Variants in KLF8 observed in about 807,000 individuals in gnomAD.
The protein encoded by KLF8 is KLF transcription factor 8, also known as Krueppel-like factor 8.
Under a neutral mutation model 18.2 loss-of-function variants are expected in KLF8, and 10 were observed. That is an observed-to-expected ratio of 0.55 (90% CI 0.34 to 0.93). The LOEUF is 0.93. Ranked by LOEUF, KLF8 falls within the 40% of genes least tolerant of loss-of-function variation. The probability of loss-of-function intolerance (pLI) is 0.02; values close to 1 mark genes in which losing one functional copy is unlikely to be tolerated. For synonymous variants in KLF8, 109 were observed against 97.3 expected (o/e 1.12, Z -0.71); for missense variants, 264 against 277.9 (o/e 0.95, Z 0.36).
the KLF8 span, among the ~76,000 whole-genome samples, chrX:56,064,465 T>C: frequency 1.8e-5 from 2 of 110,826 alleles, no homozygotes. Context: ...AAAAATTCAT[T>C]CTGCCAGTCA....
Position 56,289,520 on chromosome X carries a change from T to TA in KLF8, c.*5027dup, listed in dbSNP as rs1158483088. ...CCTATGTATATGCACATTCTATAAA[T>TA]ATTTCTATATGTAATCACCCAGATT... On this transcript the variant is annotated 3_prime_UTR_variant, in exon 6 of 6. Transcript: ENST00000468660. Among the ~76,000 whole-genome samples, 30 of 111,768 alleles carry TA rather than the reference T, an allele frequency of 2.7e-4. No individual in the cohort carries two copies. Among genetic ancestry groups the TA allele is most frequent in the Admixed American group, 2.9e-4 (3 of 10,447 alleles).
At chrX:55,923,156 A>G in the KLF8 span, among the ~76,000 whole-genome samples, 4 of 111,310 alleles carry the variant, frequency 3.6e-5, no homozygotes, top group East Asian at 8.4e-4. Context: ...ATAAAAAGAG[A>G]TAAGATCACG....
At chrX:55,920,085 A>G in the KLF8 span, among the ~76,000 whole-genome samples, 1 of 112,024 alleles carries the variant, frequency 8.9e-6, no homozygotes, top group African/African-American at 3.3e-5. Context: ...GAATCATATC[A>G]CAGGAGTCTT....
chrX:56,255,273 C>A (rs1009885186), intron 2 of KLF8, among the ~76,000 whole-genome samples: 7 of 112,764 alleles, frequency 6.2e-5, no homozygotes, highest in African/African-American at 2.2e-4. Context: ...TATACTGCAG[C>A]TTTACTGAAT....
the KLF8 span, among the ~76,000 whole-genome samples, chrX:56,036,591 A>C: frequency 8.9e-6 from 1 of 112,231 alleles, no homozygotes; most frequent in Admixed American, 9.5e-5. Flanking sequence ...ACTTTGTAGT[A>C]TATTTTGAAG....
At chrX:56,277,104 A>G (rs988008664) in intron 5 of KLF8, among the ~76,000 whole-genome samples, 32 of 111,992 alleles carry the variant, frequency 2.9e-4, no homozygotes, top group African/African-American at 9.1e-4. Context: ...TCCTCAAAAC[A>G]TATTTTGAAT....
chrX:56,203,221 T>C, the KLF8 span, among the ~76,000 whole-genome samples: 1 of 112,531 alleles, frequency 8.9e-6, no homozygotes, highest in Admixed American at 9.4e-5. Flanking sequence ...TATTTGTATG[T>C]CTTCCTTTGA....
At chrX:56,076,063 G>T in the KLF8 span, among the ~76,000 whole-genome samples, 11 of 106,687 alleles carry the variant, frequency 1.0e-4, no homozygotes, top group Non-Finnish European at 2.1e-4. Flanking sequence ...GCAGTGTTTG[G>T]TTTTTTGTTC....
chrX:56,095,231 C>G, the KLF8 span, among the ~76,000 whole-genome samples: 3 of 112,109 alleles, frequency 2.7e-5, no homozygotes, highest in African/African-American at 6.5e-5. Flanking sequence ...AATGTACACC[C>G]TATTCAATAA....
intron 5 of KLF8, among the ~76,000 whole-genome samples, chrX:56,283,517 G>T (rs1007619313): frequency 1.8e-5 from 2 of 108,136 alleles, no homozygotes; most frequent in African/African-American, 6.8e-5. Context: ...AACTACAGGC[G>T]CCCTCCACGA....
the KLF8 span, among the ~76,000 whole-genome samples, chrX:55,989,680 T>C: frequency 8.9e-6 from 1 of 111,977 alleles, no homozygotes; most frequent in Non-Finnish European, 1.9e-5. Flanking sequence ...TTGTTGTATC[T>C]CTGCCAGGCT....
the KLF8 span, among the ~76,000 whole-genome samples, chrX:56,015,632 G>A: frequency 5.4e-5 from 6 of 111,939 alleles, no homozygotes; most frequent in Admixed American, 1.9e-4. Context: ...CCTGATTCTA[G>A]CATTTTGCTA....
the KLF8 span, among the ~76,000 whole-genome samples, chrX:55,950,276 G>A: frequency 9.0e-6 from 1 of 110,799 alleles, no homozygotes; most frequent in African/African-American, 3.3e-5. Context: ...AGAAGAGCTG[G>A]TTGTCATGAG....
In KLF8 at chrX:56,244,411, C is replaced by A. The variant is rs748970102; in HGVS notation, c.8-5820C>A. 1.8e-5 allele frequency among the ~76,000 whole-genome samples: 2 copies of A among 110,955 alleles called. 1 individual carries two copies. Among genetic ancestry groups the A allele is most frequent in the South Asian group, 7.8e-4 (2 of 2,575 alleles). On this transcript the variant is annotated intron_variant, in intron 1 of 5. Coordinates refer to ENST00000468660, the MANE Select transcript of KLF8 (RefSeq NM_007250.5). ...CTATGTTGCCCAGGCTATTCTCAAACTCCTGAGCTCAAGTTATCCTCCCGC... is the reference window on the plus strand; with the variant it reads ...CTATGTTGCCCAGGCTATTCTCAAAATCCTGAGCTCAAGTTATCCTCCCGC...
intron 2 of KLF8, among the ~76,000 whole-genome samples, chrX:56,256,966 G>C (rs1452631637): frequency 8.9e-6 from 1 of 111,953 alleles, no homozygotes; most frequent in East Asian, 2.8e-4. Context: ...GCCTCCCAAA[G>C]TGCTGGGATT....
the KLF8 span, chrX:55,961,219 G>T: frequency 3.4e-6 from 1 of 294,483 alleles, no homozygotes; most frequent in South Asian, 3.7e-5. Context: ...TGGCCCTGCT[G>T]CACTCCAGCC....
chrX:55,910,611 C>T, the KLF8 span, among the ~76,000 whole-genome samples: 1 of 111,390 alleles, frequency 9.0e-6, no homozygotes, highest in African/African-American at 3.3e-5. Context: ...ATAGAGGGGG[C>T]TAGATCATAT....
At chrX:56,164,108 TA>T in the KLF8 span, among the ~76,000 whole-genome samples, 4 of 111,284 alleles carry the variant, frequency 3.6e-5, no homozygotes, top group Non-Finnish European at 5.7e-5. Flanking sequence ...TTTTATTTTT[TA>T]TTTTTTTTTT....
chrX:56,037,198 A>G, the KLF8 span, among the ~76,000 whole-genome samples: 1 of 111,606 alleles, frequency 9.0e-6, no homozygotes, highest in East Asian at 2.8e-4. Flanking sequence ...ATGTTGAATA[A>G]GAGTGGTGAG....
Sources: gnomAD v4.1 joint callset for allele counts (sites outside exome capture counted in the v4.1 genomes callset) on GRCh38, gnomAD v4.1.1 for gene constraint, MANE v1.5 for transcripts, NCBI Gene and HGNC (gene_info 2026-07-23, HGNC 2026-07-21) for gene names.